The following HECTD4 variants were observed in gnomAD, a reference collection of about 807,000 sequenced individuals.
HECTD4 encodes the protein HECT domain E3 ubiquitin protein ligase 4.
A neutral mutation model predicts 471.5 loss-of-function variants in HECTD4; 114 were observed. The ratio of observed to expected loss-of-function variants is 0.24; its 90% CI spans 0.21 to 0.28. The LOEUF is 0.28. HECTD4 is among the 10% of genes least tolerant of loss of function. The probability of loss-of-function intolerance (pLI) is 1.00; values close to 1 mark genes in which losing one functional copy is unlikely to be tolerated. For missense variants in HECTD4, 3,866 were observed against 5,651.5 expected (o/e 0.68, Z 10.13); for synonymous variants, 2,012 against 2,256.0 (o/e 0.89, Z 3.07).
At chr12:112,167,083 A>G in intron 72 of HECTD4, 2 of 421,252 alleles carry the variant, frequency 4.7e-6, no homozygotes, top group Middle Eastern at 6.2e-4. Flanking sequence ...GTGGGAGGGG[A>G]GGGCCAGCAG....
At chr12:112,210,946 C>T (rs1015390010) in intron 49 of HECTD4, among the ~76,000 whole-genome samples, 10 of 152,176 alleles carry the variant, frequency 6.6e-5, no homozygotes, top group Non-Finnish European at 1.5e-4. Context: ...AGAAATGCTG[C>T]TTTAAATTAT....
At chr12:112,256,571 C>A in intron 20 of HECTD4, 53 bp from the exon 21 acceptor site, 4 of 1,261,732 alleles carry the variant, frequency 3.2e-6, no homozygotes. Context: ...AAAGGAAAAA[C>A]AATGTAAACA....
At chr12:112,283,955 C>CTTTTTTTTTTT (rs746498265) in intron 7 of HECTD4, among the ~76,000 whole-genome samples, 3 of 135,564 alleles carry the variant, frequency 2.2e-5, no homozygotes, top group African/African-American at 5.3e-5. Context: ...CTTCTTTCTT[C>CTTTTTTTTTTT]TTTTTTTTTT....
chr12:112,248,800 G>C (rs1055154001), intron 25 of HECTD4, among the ~76,000 whole-genome samples: 3 of 152,144 alleles, frequency 2.0e-5, no homozygotes, highest in South Asian at 2.1e-4. Context: ...GCTCAGGCTG[G>C]TCTTGAACTC....
At chr12:112,172,245 A>G (rs1297136182) in intron 67 of HECTD4, among the ~76,000 whole-genome samples, 6 of 152,206 alleles carry the variant, frequency 3.9e-5, no homozygotes, top group African/African-American at 1.2e-4. Flanking sequence ...GGGCACCTGA[A>G]TGGGCCTTCC....
At chr12:112,208,309 C>T (rs1057265974) in intron 51 of HECTD4, among the ~76,000 whole-genome samples, 185 bp downstream of exon 51, 2 of 152,216 alleles carry the variant, frequency 1.3e-5, no homozygotes, top group South Asian at 2.1e-4. Context: ...CAACGGATAT[C>T]GCTATTGATA....
Position 112,228,704 on chromosome 12 carries a change from C to T in HECTD4, c.6627G>A (p.Ser2209=), listed in dbSNP as rs767653316. Reference sequence around the variant, plus strand: ...GAATAGTCAATGTGTCTGACGCTTGCGAAGTCTTTCTACAGTCTATGGGTG... The same window carrying T: ...GAATAGTCAATGTGTCTGACGCTTGTGAAGTCTTTCTACAGTCTATGGGTG... ...RFPPIDCRKT[S]QASDTLTIPL... Residue 2209 remains serine (S), a synonymous_variant, in exon 42 of 76, where the codon TCG becomes TCA. Transcript: ENST00000682272. This position sits in a 1 kb window ranked among gnomAD's most constrained non-coding sequence, Gnocchi z 4.9. 9.3e-6 allele frequency: 15 copies of T among 1,613,382 alleles called. No homozygotes were observed. The highest frequency in any genetic ancestry group is 1.7e-5 in the Admixed American group (1 of 59,790).
At position 112,269,762 on chromosome 12, in the gene HECTD4, T is replaced by C. The variant is rs996033620; in HGVS notation, c.2263A>G (p.Met755Val). The C allele has an allele frequency of 3.1e-6, 5 of 1,613,988 alleles. No homozygotes were observed. Among genetic ancestry groups the C allele is most frequent in the South Asian group, 1.1e-5 (1 of 91,064 alleles). Residue 755 changes from methionine (M) to valine (V), a missense_variant, in exon 13 of 76, where the codon ATG (methionine) becomes GTG (valine). Around this residue, in one of 16 missense-constraint regions of HECTD4, gnomAD observed 525 missense variants for 672.6 expected, o/e 0.78. Coordinates refer to ENST00000682272, the MANE Select transcript of HECTD4 (RefSeq NM_001388303.1). ...GGGCAAATTTGATCTTTTGGAGCCA[T>C]CAACAACTGCCAAAGAAGCAATCCC... ...RSGLLLWQLL[M>V]APKDQICPEI...
rs150411925 is a variant in HECTD4 at position 112,191,239 on chromosome 12, G to A, written c.9293-274C>T. 1.7e-4 allele frequency among the ~76,000 whole-genome samples: 26 copies of A among 152,330 alleles called. No homozygotes were observed. In the East Asian group the frequency reaches 5.0e-3, roughly 29 times the overall value. On this transcript the variant is annotated intron_variant, in intron 59 of 75. Coordinates refer to ENST00000682272, the MANE Select transcript of HECTD4 (RefSeq NM_001388303.1). The stretch of plus-strand genomic sequence containing the variant: ...AGATGAGAACAGAGGACACACACTT[G>A]TCATTCAGTTAGATACCAACCAGAA...
Position 112,193,557 on chromosome 12 carries a change from T to C in HECTD4, c.8867A>G (p.Glu2956Gly), listed in dbSNP as rs2032149874. 1 of 1,613,032 alleles carries C rather than the reference T, an allele frequency of 6.2e-7. No homozygotes were observed. Among genetic ancestry groups the C allele is most frequent in the Non-Finnish European group, 8.5e-7 (1 of 1,179,534 alleles). The change falls in exon 57 of 76, where the codon GAG becomes GGG. Residue 2956 changes from glutamate to glycine, a missense_variant. Physicochemically the swap from Glu to Gly is moderately conservative, Grantham distance 98. This residue lies in a region of HECTD4 where 364 missense variants were observed against 413.2 expected (regional missense o/e 0.88). Transcript: ENST00000682272. This position sits in a 1 kb window ranked among gnomAD's most constrained non-coding sequence, Gnocchi z 5.2. ...CCGGGTGATGGCCACGTTGAGCCAC[T>C]CTCTCACTGTCTGGGAGTTGCCCTG... The part of the protein sequence containing the change: ...FYQGNSQTVR[E>G]WLNVAITRTL...
intron 70 of HECTD4, among the ~76,000 whole-genome samples, chr12:112,168,518 C>G (rs561747729): frequency 6.6e-6 from 1 of 152,328 alleles, no homozygotes; most frequent in South Asian, 2.1e-4. Flanking sequence ...CCTATCGGTA[C>G]CCTGAGGTCA....
chr12:112,203,491 T>G, intron 54 of HECTD4, 145 bp downstream of exon 54: 1 of 627,696 alleles, frequency 1.6e-6, no homozygotes, highest in African/African-American at 1.9e-5. Flanking sequence ...TCAATTGGCA[T>G]TAGAGCATTT....
intron 52 of HECTD4, among the ~76,000 whole-genome samples, chr12:112,207,106 A>ATGTG (rs200619281): frequency 0.056 from 8,225 of 148,038 alleles, 1,032 homozygotes; most frequent in East Asian, 0.55. Context: ...GTTTATGTAT[A>ATGTG]TGTGTGTGTG....
intron 60 of HECTD4, 121 bp from the exon 61 acceptor site, chr12:112,185,614 T>C: frequency 2.9e-6 from 2 of 687,892 alleles, no homozygotes; most frequent in South Asian, 2.6e-5. Flanking sequence ...CGCAATTCAG[T>C]CCCTTCTTAC....
chr12:112,194,785 C>G lies in HECTD4; in HGVS notation c.8749+100G>C. The G allele has an allele frequency of 2.7e-6, 3 of 1,109,232 alleles. No individual in the cohort carries two copies. Among genetic ancestry groups the G allele is most frequent in the Non-Finnish European group, 3.9e-6 (3 of 767,680 alleles). 68.7% of individuals were successfully genotyped at this position (1,109,232 alleles called of 1,614,324 possible). ...ATTTCTCACGTGAGCCTATGCGCAC[C>G]ATGAGGCATTTCTCGCCCTCATGCA... is the stretch of plus-strand genomic sequence containing the variant. On this transcript the variant is annotated intron_variant, in intron 56 of 75. Transcript: ENST00000682272. The surrounding 1 kb of genome is among the most constrained non-coding windows in gnomAD (Gnocchi z 4.6).
At chr12:112,285,897 T>C (rs1194880980) in intron 7 of HECTD4, among the ~76,000 whole-genome samples, 2 of 152,228 alleles carry the variant, frequency 1.3e-5, no homozygotes, top group East Asian at 1.9e-4. Context: ...TTAGCAAGCA[T>C]AGCTCTATTT....
chr12:112,374,505 T>G (rs2036742768), intron 1 of HECTD4, among the ~76,000 whole-genome samples: 3 of 152,182 alleles, frequency 2.0e-5, no homozygotes, highest in African/African-American at 4.8e-5. Context: ...CAGACAAGCC[T>G]GAAAGCCTGT....
intron 50 of HECTD4, among the ~76,000 whole-genome samples, 152 bp from the exon 51 acceptor site, chr12:112,208,782 T>A (rs1350340507): frequency 2.6e-5 from 4 of 151,702 alleles, no homozygotes; most frequent in African/African-American, 9.7e-5. Context: ...AGTCTAGGAA[T>A]AACTAATTAT....
Position 112,185,456 on chromosome 12 carries a change from C to G in HECTD4, c.9510G>C (p.Val3170=), listed in dbSNP as rs1207083607. 6.4e-7 allele frequency: 1 copy of G among 1,569,892 alleles called. No individual in the cohort carries two copies. The highest frequency in any genetic ancestry group is 1.4e-5 in the African/African-American group (1 of 73,480). Residue 3170 remains valine (V), a synonymous_variant, in exon 61 of 76, where the codon GTG becomes GTC. Coordinates refer to ENST00000682272, the MANE Select transcript of HECTD4 (RefSeq NM_001388303.1). Reference sequence around the variant, plus strand: ...CCAGGAGATGGAAAACAAGCTCCTTCACGCAGGCTGCCATGTCCGTGGTCC... The same window carrying G: ...CCAGGAGATGGAAAACAAGCTCCTTGACGCAGGCTGCCATGTCCGTGGTCC... ...FLWTTDMAAC[V]KELVFHLLAE...
Sources: gnomAD v4.1 joint callset for allele counts (sites outside exome capture counted in the v4.1 genomes callset) on GRCh38, gnomAD v4.1.1 for gene constraint, gnomAD v4.1.1 regional missense constraint, Gnocchi (gnomAD v3.1) non-coding constraint, MANE v1.5 for transcripts, NCBI Gene and HGNC (gene_info 2026-07-23, HGNC 2026-07-21) for gene names.